NEGR1: variants seen among roughly 807,000 people sequenced by gnomAD.
The protein encoded by NEGR1 is neuronal growth regulator 1, also known as IgLON family member 4.
A neutral mutation model predicts 40.9 loss-of-function variants in NEGR1; 10 were observed. That is an observed-to-expected ratio of 0.24 (90% CI 0.15 to 0.42). The LOEUF (loss-of-function observed/expected upper bound fraction) is 0.42. NEGR1 is among the 10% of genes least tolerant of loss of function. NEGR1 has a pLI of 1.00. For synonymous variants in NEGR1, 185 were observed against 166.8 expected, an observed-to-expected ratio of 1.11 and a Z score of -0.84; for missense variants, 352 against 438.9, an observed-to-expected ratio of 0.80 and a Z score of 1.77.
intron 1 of NEGR1, among the ~76,000 whole-genome samples, chr1:72,205,588 GT>G: frequency 6.8e-6 from 1 of 147,184 alleles, no homozygotes; most frequent in Middle Eastern, 3.5e-3. Context: ...TTACACTCAG[GT>G]TTAACAGGTA....
chr1:71,612,092 G>A (rs942200349), intron 4 of NEGR1, among the ~76,000 whole-genome samples: 2 of 152,098 alleles, frequency 1.3e-5, no homozygotes, highest in Non-Finnish European at 2.9e-5. Flanking sequence ...CATGGTGGTG[G>A]GCACCTGTAG....
At chr1:71,662,097 G>A (rs530670621) in intron 4 of NEGR1, among the ~76,000 whole-genome samples, 1 of 152,294 alleles carries the variant, frequency 6.6e-6, no homozygotes, top group East Asian at 1.9e-4. Flanking sequence ...ACTTAAGTGA[G>A]CAGGTTTTAG....
Position 72,009,760 on chromosome 1 carries a change from G to C in NEGR1, c.177-74449C>G, listed in dbSNP as rs555183740. On this transcript the variant is annotated intron_variant, in intron 1 of 6. Transcript: ENST00000357731. ...ATCTATTCAATAACAGGAGCCACGT[G>C]TTATTCATATCTTTGGCCCCAACAT... 6.8e-4 allele frequency among the ~76,000 whole-genome samples: 104 copies of C among 152,202 alleles called. 1 individual carries two copies. The highest frequency in any genetic ancestry group is 2.1e-3 in the African/African-American group (89 of 41,522).
At chr1:71,610,287 G>A (rs1056576319) in intron 5 of NEGR1, among the ~76,000 whole-genome samples, 17 of 152,236 alleles carry the variant, frequency 1.1e-4, no homozygotes, top group Middle Eastern at 3.4e-3. Context: ...TAGTTTTGAC[G>A]CAGACTCTAT....
chr1:71,480,803 C>A (rs913253585), intron 6 of NEGR1, among the ~76,000 whole-genome samples: 2 of 151,858 alleles, frequency 1.3e-5, no homozygotes, highest in South Asian at 4.2e-4. Flanking sequence ...ACCTTACATA[C>A]CTAATCTTTA....
At chr1:71,512,466 A>G (rs1432557534) in intron 6 of NEGR1, among the ~76,000 whole-genome samples, 2 of 149,578 alleles carry the variant, frequency 1.3e-5, no homozygotes, top group African/African-American at 2.5e-5. Context: ...ATTACATTCA[A>G]TTGTGCACCA....
intron 6 of NEGR1, among the ~76,000 whole-genome samples, chr1:71,465,236 G>A (rs1467836654): frequency 6.6e-6 from 1 of 152,046 alleles, no homozygotes; most frequent in Admixed American, 6.6e-5. Context: ...TATTTATTGA[G>A]TTTTACTCTG....
chr1:71,522,024 C>A (rs1443858090), intron 6 of NEGR1, among the ~76,000 whole-genome samples: 1 of 151,850 alleles, frequency 6.6e-6, no homozygotes, highest in Non-Finnish European at 1.5e-5. Flanking sequence ...GAACTGAAAG[C>A]CTTTGAAAGC....
In NEGR1 at chr1:72,012,856, T is replaced by TATATATATATAC. The variant is rs769682455; in HGVS notation, c.177-77546_177-77545insGTATATATATAT. 2.2e-4 allele frequency among the ~76,000 whole-genome samples: 30 copies of TATATATATATAC among 135,208 alleles called. No homozygotes were observed. In the Middle Eastern group the frequency reaches 0.013, roughly 58 times the overall value. The allele number at this position is 135,208 out of a possible 152,430, so 88.7% of individuals were successfully genotyped here. On this transcript the variant is annotated intron_variant, in intron 1 of 6. Coordinates refer to ENST00000357731, the MANE Select transcript of NEGR1 (RefSeq NM_173808.3). ...ATATATACATACATATATATATATA[T>TATATATATATAC]ACACACACACATATATATATATTTT...
intron 1 of NEGR1, among the ~76,000 whole-genome samples, chr1:72,228,434 A>C (rs1003196851): frequency 6.6e-6 from 1 of 152,086 alleles, no homozygotes; most frequent in African/African-American, 2.4e-5. Flanking sequence ...TCAGCCTCAA[A>C]CTGCAATCAC....
Position 71,477,896 on chromosome 1 carries a change from TA to T in NEGR1, c.941-70327del, listed in dbSNP as rs200025559. Among the ~76,000 whole-genome samples, 370 of 136,084 alleles carry T rather than the reference TA, an allele frequency of 2.7e-3. 1 individual carries two copies. The highest frequency in any genetic ancestry group is 7.6e-3 in the African/African-American group (301 of 39,456). 89.3% of individuals were successfully genotyped at this position (136,084 alleles called of 152,430 possible). A position where few individuals can be genotyped will look rare whatever the true frequency, so the allele number is the denominator to read the frequency against. On this transcript the variant is annotated intron_variant, in intron 6 of 6. Coordinates refer to ENST00000357731, the MANE Select transcript of NEGR1 (RefSeq NM_173808.3). ...CAACAATGCTTCACTCTTGGATTTTTAAAAAAAAAAATACATAAAGCTTAAA... is the reference window on the plus strand; with the variant it reads ...CAACAATGCTTCACTCTTGGATTTTTAAAAAAAAAATACATAAAGCTTAAA...
chr1:71,685,446 C>T (rs1380585424), intron 4 of NEGR1, among the ~76,000 whole-genome samples: 1 of 151,674 alleles, frequency 6.6e-6, no homozygotes, highest in Non-Finnish European at 1.5e-5. Context: ...CCTTAGCCGT[C>T]CCAGTAGCTG....
chr1:72,229,020 G>A (rs1191421064), intron 1 of NEGR1, among the ~76,000 whole-genome samples: 1 of 151,976 alleles, frequency 6.6e-6, no homozygotes, highest in Non-Finnish European at 1.5e-5. Context: ...CCTGTTCCAT[G>A]CCTCTCTCTC....
chr1:71,832,526 G>T (rs1287980027), intron 2 of NEGR1, among the ~76,000 whole-genome samples: 1 of 152,018 alleles, frequency 6.6e-6, no homozygotes, highest in Non-Finnish European at 1.5e-5. Flanking sequence ...ACAGCAAATA[G>T]ACATCAGGTT....
At chr1:72,037,535 C>A (rs1646913781) in intron 1 of NEGR1, among the ~76,000 whole-genome samples, 1 of 152,112 alleles carries the variant, frequency 6.6e-6, no homozygotes, top group East Asian at 1.9e-4. Context: ...TGTAGAAATT[C>A]TTTGGGAAGC....
intron 1 of NEGR1, among the ~76,000 whole-genome samples, chr1:71,980,498 T>C (rs1483287849): frequency 6.6e-6 from 1 of 152,166 alleles, no homozygotes. Context: ...TAAATATGAC[T>C]CTATACGTTT....
intron 2 of NEGR1, among the ~76,000 whole-genome samples, chr1:71,848,980 C>T (rs1031617115): frequency 2.0e-5 from 3 of 151,890 alleles, no homozygotes; most frequent in Non-Finnish European, 4.4e-5. Context: ...ATCCCAGCTA[C>T]GCAGGCGGCT....
intron 2 of NEGR1, among the ~76,000 whole-genome samples, chr1:71,914,362 T>C (rs1472388619): frequency 6.6e-6 from 1 of 152,212 alleles, no homozygotes; most frequent in Admixed American, 6.5e-5. Flanking sequence ...CTTAACCTTT[T>C]TGGATTTTTT....
chr1:71,557,699 G>C (rs1648298076), intron 6 of NEGR1, among the ~76,000 whole-genome samples: 1 of 151,370 alleles, frequency 6.6e-6, no homozygotes, highest in Admixed American at 6.6e-5. Context: ...ATAACCATGG[G>C]ACAATTATCA....
Sources: gnomAD v4.1 joint callset for allele counts (sites outside exome capture counted in the v4.1 genomes callset) on GRCh38, gnomAD v4.1.1 for gene constraint, MANE v1.5 for transcripts, NCBI Gene and HGNC (gene_info 2026-07-23, HGNC 2026-07-21) for gene names.